Variants in HIVEP3 observed in about 807,000 individuals in gnomAD.
HIVEP3 encodes the protein HIVEP zinc finger 3, also known as transcription factor HIVEP3.
In HIVEP3, 49 loss-of-function variants were observed where a neutral mutation model predicts 152.8. That is an observed-to-expected ratio of 0.32 (90% CI 0.26 to 0.41). The LOEUF is 0.41. Among genes scored for constraint, HIVEP3 ranks in the 10% least tolerant of loss-of-function variants. The pLI is 1.00. For synonymous variants in HIVEP3, 1,269 were observed against 1,289.0 expected (o/e 0.98, Z 0.33); for missense variants, 2,790 against 3,103.3 (o/e 0.90, Z 2.40).
chr1:41,780,331 G>T (rs1029023981), intron 1 of HIVEP3, among the ~76,000 whole-genome samples: 1 of 152,206 alleles, frequency 6.6e-6, no homozygotes, highest in East Asian at 1.9e-4. Context: ...GCCAAAGGGA[G>T]CACCAGGTGC....
intron 1 of HIVEP3, among the ~76,000 whole-genome samples, chr1:41,854,567 A>C (rs1570673653): frequency 1.7e-5 from 2 of 116,564 alleles, no homozygotes; most frequent in African/African-American, 7.2e-5. Context: ...GTACATGTGC[A>C]CATTGTGCAG....
chr1:41,852,549 A>G (rs963678547), intron 1 of HIVEP3, among the ~76,000 whole-genome samples: 1 of 152,234 alleles, frequency 6.6e-6, no homozygotes, highest in African/African-American at 2.4e-5. Context: ...TCCCAAAAGC[A>G]GGGCCTATAC....
chr1:41,852,437 A>G (rs899153531), intron 1 of HIVEP3, among the ~76,000 whole-genome samples: 6 of 152,226 alleles, frequency 3.9e-5, no homozygotes, highest in African/African-American at 1.4e-4. Context: ...AATGCTTTGG[A>G]TAGGCCAGAA....
At chr1:41,557,986 G>A (rs1285281771) in intron 5 of HIVEP3, among the ~76,000 whole-genome samples, 1 of 152,208 alleles carries the variant, frequency 6.6e-6, no homozygotes, top group Non-Finnish European at 1.5e-5. Flanking sequence ...TTCTCTCCCA[G>A]CTTACAGACG....
intron 1 of HIVEP3, among the ~76,000 whole-genome samples, chr1:41,832,961 A>T (rs1007100630): frequency 6.6e-5 from 10 of 152,234 alleles, no homozygotes; most frequent in African/African-American, 2.4e-4. Flanking sequence ...TGCACCTGTC[A>T]CATGGGCACT....
At chr1:41,893,462 G>T (rs7536045) in intron 1 of HIVEP3, among the ~76,000 whole-genome samples, 4,067 of 152,234 alleles carry the variant, frequency 0.027, 179 homozygotes, top group African/African-American at 0.094. Context: ...TCAGGGGGTT[G>T]CTATCGCTAC....
intron 1 of HIVEP3, among the ~76,000 whole-genome samples, chr1:41,779,156 A>T (rs1002720118): frequency 6.6e-6 from 1 of 151,012 alleles, no homozygotes; most frequent in African/African-American, 2.4e-5. Flanking sequence ...CCTTCCTCCC[A>T]CCCCCTCCTG....
intron 2 of HIVEP3, among the ~76,000 whole-genome samples, chr1:41,656,594 A>G (rs1434819999): frequency 6.6e-6 from 1 of 152,042 alleles, no homozygotes; most frequent in East Asian, 1.9e-4. Context: ...GGCTGAGATG[A>G]CTCTCCAAAG....
rs760155449 is a variant in HIVEP3, at chr1:41,510,329, C to T, written c.*122G>A. 3.1e-5 allele frequency: 24 copies of T among 775,472 alleles called. No individual in the cohort carries two copies. The highest frequency in any genetic ancestry group is 4.1e-5 in the Non-Finnish European group (22 of 535,068). 48.0% of individuals were successfully genotyped at this position (775,472 alleles called of 1,614,324 possible). A position where few individuals can be genotyped will look rare whatever the true frequency, so the allele number is the denominator to read the frequency against. On this transcript the variant is annotated 3_prime_UTR_variant, in exon 9 of 9. Transcript: ENST00000372583. ...ACATGGGAAGGTACAACAGATGGGG[C>T]CGTGAGAGCTCCTGGACGGAGGGAC...
chr1:41,657,636 T>A (rs1645648817), intron 2 of HIVEP3, among the ~76,000 whole-genome samples: 1 of 152,198 alleles, frequency 6.6e-6, no homozygotes, highest in African/African-American at 2.4e-5. Context: ...ACCTACTAAG[T>A]GCCAGGCACA....
rs1644415353 is a variant in HIVEP3, at chr1:41,581,847, T to C, written c.2951A>G (p.His984Arg). 3.1e-6 allele frequency: 5 copies of C among 1,601,740 alleles called. No homozygotes were observed. In the South Asian group the frequency reaches 4.5e-5, roughly 14 times the overall value. ...HMLTVPSHHP[H>R]AREMRRSASE... ...GGCTGACCTCCGCATCTCTCGGGCA[T>C]GTGGGTGGTGGCTGGGGACAGTCAA... Residue 984 changes from histidine to arginine, a missense_variant, in exon 4 of 9, where the codon CAT becomes CGT. By Grantham distance (29) the His-to-Arg change is conservative (BLOSUM62 0). This residue lies in a region of HIVEP3 where 1,078 missense variants were observed against 1,165.3 expected (regional missense o/e 0.93). Transcript: ENST00000372583. This position sits in a 1 kb window ranked among gnomAD's most constrained non-coding sequence, Gnocchi z 4.5.
intron 1 of HIVEP3, among the ~76,000 whole-genome samples, chr1:42,015,742 C>A (rs1250793357): frequency 6.6e-6 from 1 of 152,258 alleles, no homozygotes. Flanking sequence ...CACTTGTCCC[C>A]TGAGGCAATG....
At position 42,027,658 on chromosome 1, in the gene HIVEP3, G is replaced by A. The variant is rs561984835; in HGVS notation, n.119+8149C>T. Among the ~76,000 whole-genome samples the A allele has an allele frequency of 3.2e-4, 48 of 152,200 alleles. No individual in the cohort carries two copies. In the South Asian group the frequency reaches 8.7e-3, roughly 28 times the overall value. On this transcript the variant is annotated intron_variant and non_coding_transcript_variant, in intron 1 of 3. Coordinates refer to the HIVEP3 transcript ENST00000489103. ...TGTATTAGTTCATTTTCATGCTGCC[G>A]ATAAAGACATACCCGAAACTGGGAA...
intron 1 of HIVEP3, among the ~76,000 whole-genome samples, chr1:41,924,524 G>A (rs570205439): frequency 1.3e-5 from 2 of 152,210 alleles, no homozygotes; most frequent in African/African-American, 4.8e-5. Context: ...GCAAGGAGAT[G>A]GTAGAGAGTT....
chr1:41,942,915 T>C (rs993835807), intron 1 of HIVEP3, among the ~76,000 whole-genome samples: 1 of 152,156 alleles, frequency 6.6e-6, no homozygotes, highest in Non-Finnish European at 1.5e-5. Flanking sequence ...TTTTTCTTTT[T>C]TTGAGACGGA....
chr1:41,951,671 C>T (rs533720302), intron 1 of HIVEP3, among the ~76,000 whole-genome samples: 6 of 152,254 alleles, frequency 3.9e-5, no homozygotes, highest in South Asian at 4.1e-4. Flanking sequence ...CCTCAGGAAA[C>T]GTACAATCAT....
Position 41,510,785 on chromosome 1 carries a change from G to T in HIVEP3, c.6887C>A (p.Thr2296Asn), listed in dbSNP as rs374001345. Residue 2296 changes from threonine (T) to asparagine (N), a missense_variant, in exon 9 of 9, where the codon ACC becomes AAC. By Grantham distance (65) the Thr-to-Asn change is moderately conservative. Transcript: ENST00000372583. Reference sequence around the variant, plus strand: ...GGGTGTGGGCTCTGCAGGTGCCCCGGTCCCATGGGGTGTCCAGTCAGGAGG... The same window carrying T: ...GGGTGTGGGCTCTGCAGGTGCCCCGTTCCCATGGGGTGTCCAGTCAGGAGG... ...GRPPDWTPHGTGAPAEPTPTH... is the reference protein window; with the variant it reads ...GRPPDWTPHGNGAPAEPTPTH... 120 of 1,607,992 alleles carry T rather than the reference G, an allele frequency of 7.5e-5. No homozygotes were observed. The highest frequency in any genetic ancestry group is 9.7e-5 in the Non-Finnish European group (114 of 1,177,650).
In HIVEP3 at chr1:41,582,092, T is replaced by C. The variant is rs766479110; in HGVS notation, c.2706A>G (p.Pro902=). The C allele has an allele frequency of 1.2e-6, 2 of 1,614,108 alleles. No homozygotes were observed. Among genetic ancestry groups the C allele is most frequent in the South Asian group, 1.1e-5 (1 of 91,060 alleles). Residue 902 remains proline, a synonymous_variant, in exon 4 of 9, where the codon CCA becomes CCG. Coordinates refer to ENST00000372583, the MANE Select transcript of HIVEP3 (RefSeq NM_024503.5). The surrounding 1 kb of genome is among the most constrained non-coding windows in gnomAD (Gnocchi z 4.7). The part of the protein sequence containing the change: ...TLAQLPAEKL[P]PKKKRLRLAE... The stretch of plus-strand genomic sequence containing the variant: ...CCAGGCGCAACCTCTTCTTTTTGGG[T>C]GGCAGCTTCTCAGCTGGGAGCTGGG...
chr1:41,859,733 G>A (rs2124396468), intron 1 of HIVEP3, among the ~76,000 whole-genome samples: 1 of 152,330 alleles, frequency 6.6e-6, no homozygotes, highest in African/African-American at 2.4e-5. Context: ...TTGCCAATTT[G>A]TTAGGGGAAA....
Sources: allele counts gnomAD v4.1 joint callset (sites outside exome capture counted in the v4.1 genomes callset), GRCh38; gene constraint gnomAD v4.1.1; regional missense constraint gnomAD v4.1.1; non-coding constraint Gnocchi (gnomAD v3.1); transcripts MANE v1.5; gene names NCBI Gene and HGNC (gene_info 2026-07-23, HGNC 2026-07-21).